The following MAGI1 variants were observed in gnomAD, a reference collection of about 807,000 sequenced individuals.
MAGI1 encodes the protein membrane associated guanylate kinase, WW and PDZ domain containing 1.
A neutral mutation model predicts 139.9 loss-of-function variants in MAGI1; 58 were observed. The ratio of observed to expected loss-of-function variants is 0.41; its 90% CI spans 0.34 to 0.52. The LOEUF (loss-of-function observed/expected upper bound fraction) is 0.52, where lower values mean the gene tolerates loss of function less well. Among genes scored for constraint, MAGI1 ranks in the 20% least tolerant of loss-of-function variants. The pLI is 0.12. For synonymous variants in MAGI1, 812 were observed against 737.9 expected (o/e 1.10, Z -1.63); for missense variants, 1,874 against 1,901.6 (o/e 0.99, Z 0.27).
intron 1 of MAGI1, among the ~76,000 whole-genome samples, chr3:65,999,059 C>CT (rs1277965955): frequency 6.6e-6 from 1 of 151,924 alleles, no homozygotes; most frequent in Admixed American, 6.6e-5. Flanking sequence ...AAAAGAATCC[C>CT]TTTTTTAAAA....
chr3:65,863,017 C>T (rs148736098), intron 1 of MAGI1, among the ~76,000 whole-genome samples: 1 of 152,328 alleles, frequency 6.6e-6, no homozygotes, highest in African/African-American at 2.4e-5. Flanking sequence ...ACTCTCCAAG[C>T]CCCTTTCTCA....
chr3:66,010,985 A>C (rs900333252), intron 1 of MAGI1, among the ~76,000 whole-genome samples: 3 of 152,212 alleles, frequency 2.0e-5, no homozygotes, highest in African/African-American at 7.2e-5. Context: ...TGGTATTTAA[A>C]TGGAAAGAGG....
rs561893530 is a variant in MAGI1 at position 65,418,265 on chromosome 3, A to G, written c.2167+11255T>C. Among the ~76,000 whole-genome samples the G allele has an allele frequency of 5.3e-5, 8 of 152,248 alleles. No individual in the cohort carries two copies. In the South Asian group the frequency reaches 1.7e-3, roughly 32 times the overall value. On this transcript the variant is annotated intron_variant, in intron 12 of 22. Coordinates refer to ENST00000402939, the MANE Select transcript of MAGI1 (RefSeq NM_001033057.2). ...TTACTGACGGTAAAGCTCACTTGTTAGTCTTGCCTCCCTAACTAGATTGTG... is the reference window on the plus strand; with the variant it reads ...TTACTGACGGTAAAGCTCACTTGTTGGTCTTGCCTCCCTAACTAGATTGTG...
intron 1 of MAGI1, among the ~76,000 whole-genome samples, chr3:65,898,985 A>G (rs1260027020): frequency 1.3e-5 from 2 of 152,312 alleles, no homozygotes; most frequent in South Asian, 4.1e-4. Context: ...GCAGTGGCAC[A>G]ATCTTGCCTC....
intron 2 of MAGI1, among the ~76,000 whole-genome samples, chr3:65,516,279 A>G (rs2077872364): frequency 6.6e-6 from 1 of 152,030 alleles, no homozygotes; most frequent in African/African-American, 2.4e-5. Context: ...TCCTGGGTTC[A>G]AGCGATTCCC....
Position 65,786,081 on chromosome 3 carries a change from G to A in MAGI1, c.314-163993C>T, listed in dbSNP as rs143260072. Among the ~76,000 whole-genome samples the A allele has an allele frequency of 7.8e-3, 1,186 of 151,240 alleles. 19 individuals carry two copies. The highest frequency in any genetic ancestry group is 0.027 in the African/African-American group (1,114 of 41,210). On this transcript the variant is annotated intron_variant, in intron 1 of 22. Coordinates refer to ENST00000402939, the MANE Select transcript of MAGI1 (RefSeq NM_001033057.2). ...AGTGATTCTCCTGCCTCAGCCTCCCGAGTAGCTGGGATTATAGACGCCTAC... is the reference window on the plus strand; with the variant it reads ...AGTGATTCTCCTGCCTCAGCCTCCCAAGTAGCTGGGATTATAGACGCCTAC...
At chr3:65,777,298 T>A (rs759640092) in intron 1 of MAGI1, among the ~76,000 whole-genome samples, 12 of 152,180 alleles carry the variant, frequency 7.9e-5, no homozygotes, top group Non-Finnish European at 1.6e-4. Context: ...TAACAGTGCC[T>A]AATCAAGTGG....
In MAGI1 at chr3:65,561,579, G is replaced by A. The variant is rs555403839; in HGVS notation, c.430+60393C>T. Among the ~76,000 whole-genome samples, 4 of 152,182 alleles carry A rather than the reference G, an allele frequency of 2.6e-5. No individual in the cohort carries two copies. In the South Asian group the frequency reaches 8.3e-4, roughly 32 times the overall value. On this transcript the variant is annotated intron_variant, in intron 2 of 22. Coordinates refer to ENST00000402939, the MANE Select transcript of MAGI1 (RefSeq NM_001033057.2). Reference sequence around the variant, plus strand: ...TGAGACAGATTAAGTATGAAGTTCTGGTTTCTTCTAGAAAAGACTCAGAAT... The same window carrying A: ...TGAGACAGATTAAGTATGAAGTTCTAGTTTCTTCTAGAAAAGACTCAGAAT...
At chr3:65,515,970 G>T (rs1316742087) in intron 2 of MAGI1, among the ~76,000 whole-genome samples, 1 of 152,134 alleles carries the variant, frequency 6.6e-6, no homozygotes, top group Non-Finnish European at 1.5e-5. Flanking sequence ...CTTTACAGGG[G>T]CACAGGGAAT....
chr3:65,548,443 A>G (rs1044548330), intron 2 of MAGI1, among the ~76,000 whole-genome samples: 2 of 151,536 alleles, frequency 1.3e-5, no homozygotes, highest in African/African-American at 4.9e-5. Context: ...GGCTCTGCAC[A>G]AAAGGGCCTC....
At chr3:65,849,496 T>C in intron 1 of MAGI1, among the ~76,000 whole-genome samples, 1 of 131,512 alleles carries the variant, frequency 7.6e-6, no homozygotes, top group East Asian at 2.1e-4. Flanking sequence ...TCATCAAATA[T>C]ACATATATAT....
At chr3:65,618,932 C>T (rs886659578) in intron 2 of MAGI1, among the ~76,000 whole-genome samples, 5 of 152,142 alleles carry the variant, frequency 3.3e-5, no homozygotes, top group Non-Finnish European at 5.9e-5. Flanking sequence ...CATCTCTTTT[C>T]TGTTGGGGTT....
chr3:65,930,646 G>A (rs1213632702), intron 1 of MAGI1, among the ~76,000 whole-genome samples: 2 of 152,168 alleles, frequency 1.3e-5, no homozygotes, highest in Non-Finnish European at 2.9e-5. Flanking sequence ...GTCGGCACAA[G>A]AAACAGGTCA....
At chr3:65,933,093 G>T (rs2062877512) in intron 1 of MAGI1, among the ~76,000 whole-genome samples, 1 of 152,212 alleles carries the variant, frequency 6.6e-6, no homozygotes, top group African/African-American at 2.4e-5. Flanking sequence ...TTGTTTAAGT[G>T]TGTATGGCTG....
At chr3:65,879,967 G>A (rs1483681763) in intron 1 of MAGI1, among the ~76,000 whole-genome samples, 1 of 152,154 alleles carries the variant, frequency 6.6e-6, no homozygotes, top group Non-Finnish European at 1.5e-5. Flanking sequence ...ACTAGAATCT[G>A]TGTGATTAAA....
chr3:65,785,092 A>G (rs2039276197), intron 1 of MAGI1, among the ~76,000 whole-genome samples: 1 of 152,272 alleles, frequency 6.6e-6, no homozygotes, highest in Admixed American at 6.5e-5. Flanking sequence ...TACATGTTAC[A>G]TGAATAAATT....
intron 1 of MAGI1, among the ~76,000 whole-genome samples, chr3:65,900,177 C>T (rs1330554521): frequency 3.3e-5 from 5 of 152,216 alleles, no homozygotes; most frequent in South Asian, 2.1e-4. Flanking sequence ...TTGCTTTGCA[C>T]GTTATTGCAA....
At chr3:66,033,032 T>TTG (rs1379845746) in intron 1 of MAGI1, among the ~76,000 whole-genome samples, 195 of 151,400 alleles carry the variant, frequency 1.3e-3, no homozygotes, top group African/African-American at 1.7e-3. Flanking sequence ...GAGCTATCTT[T>TTG]TGTGTGTGTG....
At chr3:65,390,891 GA>G (rs1943870659) in intron 14 of MAGI1, among the ~76,000 whole-genome samples, 1 of 152,042 alleles carries the variant, frequency 6.6e-6, no homozygotes, top group South Asian at 2.1e-4. Flanking sequence ...CTGAAGGGAC[GA>G]AAAAACCCAT....
Sources: allele counts gnomAD v4.1 joint callset (sites outside exome capture counted in the v4.1 genomes callset), GRCh38; gene constraint gnomAD v4.1.1; transcripts MANE v1.5; gene names NCBI Gene and HGNC (gene_info 2026-07-23, HGNC 2026-07-21).